Variants in C2orf80 observed in about 807,000 individuals in gnomAD.
The protein encoded by C2orf80 is uncharacterized protein C2orf80.
C2orf80 carries 28 observed loss-of-function variants against 30.2 expected under a neutral mutation model. The ratio of observed to expected loss-of-function variants is 0.93; its 90% CI spans 0.69 to 1.27. The LOEUF (loss-of-function observed/expected upper bound fraction) is 1.27. C2orf80 is among the 50% of genes most tolerant of loss of function. The pLI is 0.00. For missense variants in C2orf80, 220 were observed against 231.0 expected (o/e 0.95, Z 0.31); for synonymous variants, 80 against 76.4 (o/e 1.05, Z -0.24).
chr2:208,172,556 A>G (rs569809442), intron 6 of C2orf80, among the ~76,000 whole-genome samples: 1 of 152,328 alleles, frequency 6.6e-6, no homozygotes, highest in Non-Finnish European at 1.5e-5. Flanking sequence ...GAAGAAATAT[A>G]TGAATAGTTG....
chr2:208,180,825 C>A lies in C2orf80; in HGVS notation c.295-9G>T, dbSNP rs1696534393. On this transcript the variant is annotated splice_polypyrimidine_tract_variant and intron_variant, in intron 5 of 8. Transcript: ENST00000341287. ...TCAATCGGGATACTGTTCTGTTAAA[C>A]AACAACAGCAATAACAAAGTATGAT... The A allele has an allele frequency of 6.2e-7, 1 of 1,608,412 alleles. No homozygotes were observed. Among genetic ancestry groups the A allele is most frequent in the Non-Finnish European group, 8.5e-7 (1 of 1,176,146 alleles).
At chr2:208,182,872 C>T in intron 4 of C2orf80, 93 bp downstream of exon 4, 1 of 1,004,778 alleles carries the variant, frequency 1.0e-6, no homozygotes, top group Non-Finnish European at 1.6e-6. Flanking sequence ...AATCAAAGTG[C>T]CTCATGATGG....
rs34111482 is a variant in C2orf80, at chr2:208,165,606, G to GT, written c.*200dup. 246,136 of 473,454 alleles carry GT rather than the reference G, an allele frequency of 0.52. 42,060 individuals are homozygous for GT. Among genetic ancestry groups the GT allele is most frequent in the Non-Finnish European group, 0.55 (149,919 of 273,036 alleles). The allele number at this position is 473,454 out of a possible 1,614,324, so 29.3% of individuals were successfully genotyped here. A position where few individuals can be genotyped will look rare whatever the true frequency, so the allele number is the denominator to read the frequency against. ...CACAATGAAGTAGCATAAGGTCACA[G>GT]TTTTTTTTTTTAAGAAAATGTAGCC... On this transcript the variant is annotated 3_prime_UTR_variant, in exon 9 of 9. Transcript: ENST00000341287.
At chr2:208,167,943 T>A (rs1695956718) in intron 8 of C2orf80, among the ~76,000 whole-genome samples, 1 of 151,288 alleles carries the variant, frequency 6.6e-6, no homozygotes, top group Non-Finnish European at 1.5e-5. Flanking sequence ...TGGCTGGAAA[T>A]AAATAAAAAA....
At chr2:208,170,446 A>T (rs1478530429) in intron 8 of C2orf80, among the ~76,000 whole-genome samples, 1 of 152,192 alleles carries the variant, frequency 6.6e-6, no homozygotes, top group African/African-American at 2.4e-5. Context: ...TCAGATGGAC[A>T]GGGGAGGAGC....
chr2:208,188,323 T>A (rs563705585), intron 1 of C2orf80, among the ~76,000 whole-genome samples: 1 of 152,324 alleles, frequency 6.6e-6, no homozygotes, highest in South Asian at 2.1e-4. Flanking sequence ...GAAACGGTTT[T>A]TTGAAAATGG....
chr2:208,184,046 A>G (rs1426124875), intron 3 of C2orf80, among the ~76,000 whole-genome samples: 5 of 152,234 alleles, frequency 3.3e-5, no homozygotes, highest in Non-Finnish European at 7.3e-5. Flanking sequence ...ACCAAACTGA[A>G]CAGTGAACCT....
chr2:208,178,666 C>A (rs1696445115), intron 6 of C2orf80, among the ~76,000 whole-genome samples: 1 of 152,036 alleles, frequency 6.6e-6, no homozygotes, highest in Non-Finnish European at 1.5e-5. Flanking sequence ...GTAATCCCAG[C>A]ATTAGGGGAG....
At position 208,181,257 on chromosome 2, in the gene C2orf80, T is replaced by C. The variant is rs746161298; in HGVS notation, c.255A>G (p.Arg85=). The C allele has an allele frequency of 6.2e-7, 1 of 1,611,474 alleles. No individual in the cohort carries two copies. Among genetic ancestry groups the C allele is most frequent in the Non-Finnish European group, 8.5e-7 (1 of 1,177,686 alleles). ...GRPIYPNRRE[R]EAMILSSYAG... Reference sequence around the variant, plus strand: ...CATAAGATGATAAAATCATAGCTTCTCGTTCTCTACGATTTGGATATATGG... The same window carrying C: ...CATAAGATGATAAAATCATAGCTTCCCGTTCTCTACGATTTGGATATATGG... Residue 85 remains arginine, a synonymous_variant, in exon 5 of 9, where the codon CGA becomes CGG. Coordinates refer to ENST00000341287, the MANE Select transcript of C2orf80 (RefSeq NM_001099334.3).
At chr2:208,170,230 A>T (rs1696051361) in intron 8 of C2orf80, among the ~76,000 whole-genome samples, 1 of 152,142 alleles carries the variant, frequency 6.6e-6, no homozygotes, top group African/African-American at 2.4e-5. Context: ...CCCACCCTGT[A>T]CCACTTTTCT....
At chr2:208,168,947 C>T (rs1293387769) in intron 8 of C2orf80, among the ~76,000 whole-genome samples, 3 of 151,396 alleles carry the variant, frequency 2.0e-5, no homozygotes, top group African/African-American at 7.3e-5. Flanking sequence ...CACCTAAGGA[C>T]TATTCGCTTA....
chr2:208,173,920 A>G (rs893411590), intron 6 of C2orf80, among the ~76,000 whole-genome samples: 6 of 152,004 alleles, frequency 3.9e-5, no homozygotes, highest in African/African-American at 7.2e-5. Flanking sequence ...CACAATTAAT[A>G]TTGAAAGTGT....
intron 6 of C2orf80, among the ~76,000 whole-genome samples, chr2:208,172,283 T>C (rs932455243): frequency 6.6e-6 from 1 of 152,192 alleles, no homozygotes; most frequent in African/African-American, 2.4e-5. Flanking sequence ...TTTGTTCCTG[T>C]ACTTGGTTCC....
chr2:208,165,872 C>T lies in C2orf80; in HGVS notation c.574-57G>A, dbSNP rs543728846. On this transcript the variant is annotated intron_variant, in intron 8 of 8. Transcript: ENST00000341287. The stretch of plus-strand genomic sequence containing the variant: ...CACATCAATTTAACATGGACACAGA[C>T]ATTACTTTAAGTCTATAGGAAGTTA... 4 of 1,225,222 alleles carry T rather than the reference C, an allele frequency of 3.3e-6. No individual in the cohort carries two copies. In the Admixed American group the frequency reaches 5.7e-5, roughly 18 times the overall value. 75.9% of individuals were successfully genotyped at this position (1,225,222 alleles called of 1,614,324 possible).
chr2:208,180,799 C>G lies in C2orf80; in HGVS notation c.312G>C (p.Glu104Asp), dbSNP rs202006593. ...CAGCCCCATAAATTTTAAAGACTTC[C>G]TCAATCGGGATACTGTTCTGTTAAA... ...AGILMNSIPI[E>D]EVFKIYGADS... Residue 104 changes from glutamate (E) to aspartate (D), a missense_variant, in exon 6 of 9, where the codon GAG becomes GAC. By Grantham distance (45) the Glu-to-Asp change is conservative (BLOSUM62 2). Coordinates refer to ENST00000341287, the MANE Select transcript of C2orf80 (RefSeq NM_001099334.3). 1.6e-4 allele frequency: 263 copies of G among 1,613,468 alleles called. No individual in the cohort carries two copies. The African/African-American group carries it at 3.3e-3, about 20-fold the overall frequency.
intron 6 of C2orf80, among the ~76,000 whole-genome samples, chr2:208,174,226 C>T (rs73065222): frequency 0.011 from 1,714 of 152,222 alleles, 33 homozygotes; most frequent in African/African-American, 0.039. Context: ...AGGGCTGGGA[C>T]TACAGATACT....
At chr2:208,176,963 A>ATACAGATC in intron 6 of C2orf80, among the ~76,000 whole-genome samples, 1 of 36,148 alleles carries the variant, frequency 2.8e-5, no homozygotes, top group African/African-American at 7.8e-5. Context: ...CTGTATACAT[A>ATACAGATC]TGTATACATA....
At chr2:208,176,582 C>G (rs1696303501) in intron 6 of C2orf80, among the ~76,000 whole-genome samples, 1 of 152,164 alleles carries the variant, frequency 6.6e-6, no homozygotes, top group African/African-American at 2.4e-5. Context: ...AACTCCATTC[C>G]CTGAGTAGCA....
intron 2 of C2orf80, among the ~76,000 whole-genome samples, chr2:208,186,148 G>A (rs577321446): frequency 6.8e-5 from 10 of 146,286 alleles, no homozygotes; most frequent in African/African-American, 1.5e-4. Flanking sequence ...ATGTGTACAC[G>A]TGTACTATAT....
Sources: gnomAD v4.1 joint callset for allele counts (sites outside exome capture counted in the v4.1 genomes callset) on GRCh38, gnomAD v4.1.1 for gene constraint, MANE v1.5 for transcripts, NCBI Gene and HGNC (gene_info 2026-07-23, HGNC 2026-07-21) for gene names.